FRY: variants seen among roughly 807,000 people sequenced by gnomAD.
FRY encodes FRY microtubule binding protein.
A neutral mutation model predicts 348.4 loss-of-function variants in FRY; 128 were observed. That is an observed-to-expected ratio of 0.37 (90% confidence interval 0.32 to 0.43). FRY has a LOEUF of 0.43. FRY is among the 20% of genes least tolerant of loss of function. The pLI is 1.00. For missense variants in FRY, 2,736 were observed against 3,695.2 expected (o/e 0.74, Z 6.73); for synonymous variants, 1,370 against 1,374.7 (o/e 1.00, Z 0.08).
At position 32,240,592 on chromosome 13, in the gene FRY, A is replaced by G. The variant is rs79306797; in HGVS notation, c.6687+711A>G. Among the ~76,000 whole-genome samples the G allele has an allele frequency of 3.9e-5, 6 of 152,364 alleles. No homozygotes were observed. In the East Asian group the frequency reaches 1.2e-3, roughly 29 times the overall value. ...ACCTCTGTGTACGTTGGTGCTAGAAATACATAGAATATTGTTGGGCAAGAG... is the reference window on the plus strand; with the variant it reads ...ACCTCTGTGTACGTTGGTGCTAGAAGTACATAGAATATTGTTGGGCAAGAG... On this transcript the variant is annotated intron_variant, in intron 46 of 60. Transcript: ENST00000542859.
intron 32 of FRY, 114 bp from the exon 33 acceptor site, chr13:32,209,471 T>C: frequency 1.0e-6 from 1 of 966,714 alleles, no homozygotes; most frequent in Non-Finnish European, 1.7e-6. Context: ...TGGTCATGTT[T>C]ACCCCTTCTT....
At chr13:32,193,160 C>T (rs56725521) in intron 28 of FRY, among the ~76,000 whole-genome samples, 5 of 150,120 alleles carry the variant, frequency 3.3e-5, no homozygotes, top group Non-Finnish European at 5.9e-5. Context: ...CAGGCATCAT[C>T]GATTCAGCAT....
chr13:32,101,302 T>A (rs1028854456), intron 2 of FRY, among the ~76,000 whole-genome samples: 1 of 152,230 alleles, frequency 6.6e-6, no homozygotes, highest in African/African-American at 2.4e-5. Flanking sequence ...AGGATTTCCT[T>A]CTTTTTTAAG....
chr13:32,092,777 A>C (rs1593603398), intron 2 of FRY, among the ~76,000 whole-genome samples: 1 of 152,038 alleles, frequency 6.6e-6, no homozygotes, highest in East Asian at 1.9e-4. Context: ...TATCTCTGAG[A>C]TTTGGCCACC....
intron 7 of FRY, among the ~76,000 whole-genome samples, chr13:32,127,967 C>G (rs1194097908): frequency 6.6e-6 from 1 of 152,076 alleles, no homozygotes; most frequent in Non-Finnish European, 1.5e-5. Context: ...ATCTTTAAAA[C>G]TATATAACTC....
At chr13:32,210,814 C>A in intron 33 of FRY, 52 bp from the exon 34 acceptor site, 3 of 1,478,754 alleles carry the variant, frequency 2.0e-6, no homozygotes, top group South Asian at 1.1e-5. Context: ...GCCTAGTGTT[C>A]CTGTGGACTA....
chr13:32,228,490 C>T lies in FRY; in HGVS notation c.5241C>T (p.Ser1747=). The change falls in exon 40 of 61, where the codon TCC becomes TCT. Residue 1747 remains serine, a synonymous_variant. Coordinates refer to ENST00000542859, the MANE Select transcript of FRY (RefSeq NM_023037.3). ...ACTTCCTGAGAGAGGACCAGTCATC[C>T]CCGGTGCCTGACTCAGGGCTTAGTT... The part of the protein sequence containing the change: ...GFDFLREDQS[S]PVPDSGLSSS... 6.2e-7 allele frequency: 1 copy of T among 1,612,968 alleles called. No individual in the cohort carries two copies. The highest frequency in any genetic ancestry group is 8.5e-7 in the Non-Finnish European group (1 of 1,179,852).
At chr13:32,258,291 G>T (rs1319006130) in intron 51 of FRY, among the ~76,000 whole-genome samples, 2 of 152,154 alleles carry the variant, frequency 1.3e-5, no homozygotes, top group Non-Finnish European at 2.9e-5. Context: ...TTGCACAACT[G>T]GATGGGTTTT....
intron 53 of FRY, 67 bp downstream of exon 53, chr13:32,262,542 T>A: frequency 8.1e-7 from 1 of 1,232,792 alleles, no homozygotes; most frequent in Admixed American, 1.7e-5. Context: ...CACTTCCAAT[T>A]TTCTGAGAAT....
At chr13:32,185,887 A>G (rs2138266305) in intron 26 of FRY, among the ~76,000 whole-genome samples, 1 of 152,332 alleles carries the variant, frequency 6.6e-6, no homozygotes, top group East Asian at 1.9e-4. Context: ...TTTGAAATAG[A>G]CAGTCTATGC....
intron 1 of FRY, among the ~76,000 whole-genome samples, chr13:32,047,842 G>T (rs997538988): frequency 1.3e-5 from 2 of 152,158 alleles, no homozygotes; most frequent in African/African-American, 4.8e-5. Flanking sequence ...GAAAGTACTG[G>T]GATTACAGGT....
chr13:32,145,538 T>TGG (rs779288809), intron 11 of FRY, among the ~76,000 whole-genome samples: 1 of 136,140 alleles, frequency 7.3e-6, no homozygotes, highest in Non-Finnish European at 1.6e-5. Flanking sequence ...TTTTTTTTTT[T>TGG]TTTTTTTTTT....
At chr13:32,249,743 A>G (rs1449982479) in intron 49 of FRY, 56 bp downstream of exon 49, 2 of 1,508,510 alleles carry the variant, frequency 1.3e-6, no homozygotes, top group East Asian at 2.3e-5. Context: ...TGTTGAGTCC[A>G]TGTGGCTGGG....
chr13:32,108,183 G>A (rs1877699488), intron 3 of FRY, among the ~76,000 whole-genome samples: 1 of 152,166 alleles, frequency 6.6e-6, no homozygotes, highest in African/African-American at 2.4e-5. Context: ...TGTAAGAAGT[G>A]CCACATGAAT....
At chr13:32,062,734 AG>A (rs1231888701) in intron 1 of FRY, among the ~76,000 whole-genome samples, 16 of 152,288 alleles carry the variant, frequency 1.1e-4, no homozygotes, top group South Asian at 6.2e-4. Context: ...AGACTGAAAA[AG>A]ATTTCACTTA....
chr13:32,288,489 T>C (rs1424251093), intron 58 of FRY, among the ~76,000 whole-genome samples: 5 of 152,218 alleles, frequency 3.3e-5, no homozygotes, highest in Admixed American at 3.3e-4. Flanking sequence ...GCGTGAATTT[T>C]AGTAACTTTT....
chr13:32,106,808 G>A (rs531179253), intron 3 of FRY, among the ~76,000 whole-genome samples: 24 of 152,156 alleles, frequency 1.6e-4, no homozygotes, highest in Admixed American at 5.2e-4. Flanking sequence ...CCTGTTATTG[G>A]GTAACAGCTA....
chr13:32,156,607 A>C (rs1460586380), intron 15 of FRY, among the ~76,000 whole-genome samples: 11 of 117,858 alleles, frequency 9.3e-5, no homozygotes, highest in African/African-American at 3.0e-4. Flanking sequence ...ATCTCAAAAA[A>C]AAAAAAAAAA....
rs1885505275 is a variant in FRY, at chr13:32,224,980, G to C, written c.4964G>C (p.Ser1655Thr). 1 of 1,612,256 alleles carries C rather than the reference G, an allele frequency of 6.2e-7. No homozygotes were observed. The highest frequency in any genetic ancestry group is 1.1e-5 in the South Asian group (1 of 91,062). Reference sequence around the variant, plus strand: ...ATGACTGAAATGGTGGTGGATCACAGTGTACGAGAAGACTGGGCGCTTCAT... The same window carrying C: ...ATGACTGAAATGGTGGTGGATCACACTGTACGAGAAGACTGGGCGCTTCAT... ...IFMTEMVVDH[S>T]VREDWALHLP... is the part of the protein sequence containing the mutation. Residue 1655 changes from serine to threonine, a missense_variant, in exon 38 of 61, where the codon AGT (serine) becomes ACT (threonine). Coordinates refer to ENST00000542859, the MANE Select transcript of FRY (RefSeq NM_023037.3).
Sources: gnomAD v4.1 joint callset for allele counts (sites outside exome capture counted in the v4.1 genomes callset) on GRCh38, gnomAD v4.1.1 for gene constraint, MANE v1.5 for transcripts, NCBI Gene and HGNC (gene_info 2026-07-23, HGNC 2026-07-21) for gene names.